MAN2A1: variants seen among roughly 807,000 people sequenced by gnomAD.
MAN2A1 encodes the protein alpha-mannosidase 2.
MAN2A1 carries 76 observed loss-of-function variants against 142.6 expected under a neutral mutation model. That is an observed-to-expected ratio of 0.53 (90% CI 0.44 to 0.65). MAN2A1 has a LOEUF of 0.65. Among genes scored for constraint, MAN2A1 ranks in the 30% least tolerant of loss-of-function variants. MAN2A1 has a pLI of 0.00. For missense variants in MAN2A1, 1,311 were observed against 1,365.1 expected (o/e 0.96, Z 0.62); for synonymous variants, 559 against 473.2 (o/e 1.18, Z -2.35).
At chr5:109,738,001 T>C (rs1752154579) in intron 4 of MAN2A1, among the ~76,000 whole-genome samples, 1 of 152,202 alleles carries the variant, frequency 6.6e-6, no homozygotes, top group Admixed American at 6.5e-5. Context: ...GGTGTGTGCG[T>C]GTGCTTTGTG....
intron 20 of MAN2A1, among the ~76,000 whole-genome samples, chr5:109,860,371 C>T (rs1035971386): frequency 1.3e-5 from 2 of 152,120 alleles, no homozygotes; most frequent in African/African-American, 4.8e-5. Context: ...TATAATGAAG[C>T]ATGTAATTTT....
chr5:109,796,575 G>A (rs759989458), intron 12 of MAN2A1, among the ~76,000 whole-genome samples: 2 of 99,178 alleles, frequency 2.0e-5, no homozygotes, highest in Non-Finnish European at 3.8e-5. Flanking sequence ...AAATAAAGTA[G>A]GCAGGAACAA....
At chr5:109,741,871 G>C (rs1752277683) in intron 4 of MAN2A1, among the ~76,000 whole-genome samples, 2 of 152,126 alleles carry the variant, frequency 1.3e-5, no homozygotes, top group Admixed American at 1.3e-4. Flanking sequence ...GTACCTACTG[G>C]TAATACATAT....
chr5:109,831,633 T>A (rs1754908927), intron 16 of MAN2A1, among the ~76,000 whole-genome samples: 1 of 152,212 alleles, frequency 6.6e-6, no homozygotes, highest in Non-Finnish European at 1.5e-5. Context: ...AAATCATGTG[T>A]TTTTTAAAAG....
chr5:109,864,849 A>T, intron 20 of MAN2A1, 187 bp from the exon 21 acceptor site: 1 of 591,620 alleles, frequency 1.7e-6, no homozygotes. Context: ...CTGGCTCAGT[A>T]CAAGTAGGAG....
At chr5:109,727,975 T>C (rs1229355811) in intron 3 of MAN2A1, among the ~76,000 whole-genome samples, 1 of 152,168 alleles carries the variant, frequency 6.6e-6, no homozygotes, top group Admixed American at 6.5e-5. Flanking sequence ...GTGGAAAAAT[T>C]GAAGTATCCA....
chr5:109,734,579 C>G (rs1752028125), intron 4 of MAN2A1, among the ~76,000 whole-genome samples: 1 of 152,108 alleles, frequency 6.6e-6, no homozygotes, highest in African/African-American at 2.4e-5. Flanking sequence ...TGTCTTTCTT[C>G]TCATTGGTTT....
intron 5 of MAN2A1, among the ~76,000 whole-genome samples, chr5:109,762,799 G>A (rs918973243): frequency 2.0e-5 from 3 of 152,142 alleles, no homozygotes; most frequent in Admixed American, 6.5e-5. Context: ...TCATAAAACT[G>A]TTCAGTTTTA....
At chr5:109,733,180 A>C (rs1320120282) in intron 4 of MAN2A1, among the ~76,000 whole-genome samples, 9 of 152,054 alleles carry the variant, frequency 5.9e-5, no homozygotes, top group Admixed American at 3.3e-4. Context: ...TTATTGGTGT[A>C]TAAGAATGCT....
intron 4 of MAN2A1, among the ~76,000 whole-genome samples, chr5:109,746,046 C>G (rs936189224): frequency 6.6e-6 from 1 of 152,218 alleles, no homozygotes; most frequent in Non-Finnish European, 1.5e-5. Flanking sequence ...GCAGTCTTGG[C>G]TCACTGCCAC....
At chr5:109,820,454 A>C in intron 15 of MAN2A1, 112 bp downstream of exon 15, 1 of 1,114,974 alleles carries the variant, frequency 9.0e-7, no homozygotes, top group South Asian at 1.7e-5. Context: ...TTAGGGATAG[A>C]TGAACTTTTG....
chr5:109,850,982 C>G (rs558317461), intron 19 of MAN2A1, among the ~76,000 whole-genome samples: 3 of 152,104 alleles, frequency 2.0e-5, no homozygotes, highest in Non-Finnish European at 4.4e-5. Flanking sequence ...CTTGAATTTT[C>G]TAGAAAGAGT....
At position 109,755,453 on chromosome 5, in the gene MAN2A1, A is replaced by T. The variant is rs752551766; in HGVS notation, c.832A>T (p.Ile278Leu). 6.2e-7 allele frequency: 1 copy of T among 1,610,600 alleles called. No homozygotes were observed. Residue 278 changes from isoleucine (I) to leucine (L), a missense_variant, in exon 5 of 22, where the codon ATA (isoleucine) becomes TTA (leucine). Physicochemically the swap from Ile to Leu is conservative, Grantham distance 5. Around this residue, in one of 3 missense-constraint regions of MAN2A1, gnomAD observed 409 missense variants for 412.7 expected, o/e 0.99. Coordinates refer to ENST00000261483, the MANE Select transcript of MAN2A1 (RefSeq NM_002372.4). ...AGGACATCAGTGGCTGGAAAATAAT[A>T]TAGGTATGTATTGGTATATTCTTTA... ...IEGHQWLENN[I>L]GVKPRSGWAI...
chr5:109,771,448 T>C (rs1458219418), intron 7 of MAN2A1, among the ~76,000 whole-genome samples: 1 of 152,196 alleles, frequency 6.6e-6, no homozygotes, highest in Non-Finnish European at 1.5e-5. Context: ...TTTGTGAGCC[T>C]CTCACTGTGG....
intron 1 of MAN2A1, among the ~76,000 whole-genome samples, chr5:109,703,881 G>A (rs149917875): frequency 1.3e-5 from 2 of 152,304 alleles, no homozygotes; most frequent in African/African-American, 2.4e-5. Flanking sequence ...TGCCTCAACA[G>A]GAGGTAGTTT....
intron 4 of MAN2A1, among the ~76,000 whole-genome samples, chr5:109,735,536 C>T (rs933224178): frequency 6.6e-6 from 1 of 152,076 alleles, no homozygotes; most frequent in Non-Finnish European, 1.5e-5. Flanking sequence ...ATGTTTAGTG[C>T]TTCCTTCAGG....
intron 12 of MAN2A1, among the ~76,000 whole-genome samples, chr5:109,815,830 G>C (rs911278935): frequency 3.9e-5 from 6 of 152,154 alleles, no homozygotes; most frequent in Non-Finnish European, 1.5e-5. Context: ...TTGGGGGAGA[G>C]GTGGTTGTTA....
At chr5:109,691,770 T>G (rs1209040460) in intron 1 of MAN2A1, among the ~76,000 whole-genome samples, 1 of 152,208 alleles carries the variant, frequency 6.6e-6, no homozygotes, top group African/African-American at 2.4e-5. Flanking sequence ...TGTATCAAAA[T>G]TTTAAAAGCC....
intron 21 of MAN2A1, among the ~76,000 whole-genome samples, chr5:109,866,035 C>CA (rs1398037544): frequency 6.6e-6 from 1 of 152,088 alleles, no homozygotes; most frequent in African/African-American, 2.4e-5. Flanking sequence ...GTGTGGGGTC[C>CA]AAAAAGATAA....
Sources: gnomAD v4.1 joint callset for allele counts (sites outside exome capture counted in the v4.1 genomes callset) on GRCh38, gnomAD v4.1.1 for gene constraint, gnomAD v4.1.1 regional missense constraint, MANE v1.5 for transcripts, NCBI Gene and HGNC (gene_info 2026-07-23, HGNC 2026-07-21) for gene names.